CCSER1: variants seen among roughly 807,000 people sequenced by gnomAD.
CCSER1 encodes the protein serine-rich coiled-coil domain-containing protein 1.
Under a neutral mutation model 82.0 loss-of-function variants are expected in CCSER1, and 41 were observed. That is an observed-to-expected ratio of 0.50 (90% CI 0.39 to 0.65). The LOEUF (loss-of-function observed/expected upper bound fraction) is 0.65, where lower values mean the gene tolerates loss of function less well. Ranked by LOEUF, CCSER1 falls within the 30% of genes least tolerant of loss-of-function variation. CCSER1 has a pLI of 0.00. For synonymous variants in CCSER1, 414 were observed against 383.9 expected (o/e 1.08, Z -0.92); for missense variants, 1,119 against 1,064.2 (o/e 1.05, Z -0.72).
intron 5 of CCSER1, among the ~76,000 whole-genome samples, chr4:90,578,509 G>T (rs539077901): frequency 2.6e-5 from 4 of 152,122 alleles, no homozygotes; most frequent in South Asian, 2.1e-4. Flanking sequence ...TTACCACAAA[G>T]AATACTTTTA....
intron 10 of CCSER1, among the ~76,000 whole-genome samples, chr4:91,288,602 G>C (rs572649753): frequency 3.3e-5 from 5 of 151,902 alleles, no homozygotes; most frequent in Admixed American, 6.6e-5. Context: ...TTGTGCTAAA[G>C]GCTTGAAGAA....
At chr4:91,237,982 A>G (rs1010886705) in intron 10 of CCSER1, among the ~76,000 whole-genome samples, 3 of 152,194 alleles carry the variant, frequency 2.0e-5, no homozygotes, top group Non-Finnish European at 4.4e-5. Flanking sequence ...ATTATGTGTC[A>G]GGAAGCCTCT....
chr4:90,914,461 A>G (rs1192094371), intron 8 of CCSER1, among the ~76,000 whole-genome samples: 1 of 152,206 alleles, frequency 6.6e-6, no homozygotes, highest in African/African-American at 2.4e-5. Flanking sequence ...ACAAAGACAC[A>G]ACAAACTAGA....
intron 5 of CCSER1, among the ~76,000 whole-genome samples, chr4:90,607,255 T>C (rs960720084): frequency 6.6e-6 from 1 of 152,212 alleles, no homozygotes. Context: ...TATTTTGATA[T>C]ATATGTCAAT....
intron 10 of CCSER1, among the ~76,000 whole-genome samples, chr4:91,548,635 G>T (rs141995067): frequency 6.6e-6 from 1 of 151,296 alleles, no homozygotes; most frequent in Non-Finnish European, 1.5e-5. Context: ...TGTAATTCTA[G>T]GTTTGTGGGT....
chr4:91,301,519 T>C (rs1744664261), intron 10 of CCSER1, among the ~76,000 whole-genome samples: 1 of 149,154 alleles, frequency 6.7e-6, no homozygotes, highest in Non-Finnish European at 1.5e-5. Flanking sequence ...TGCCTCTCTG[T>C]CTATGTATAT....
intron 4 of CCSER1, among the ~76,000 whole-genome samples, chr4:90,409,408 C>G (rs1439789904): frequency 6.6e-6 from 1 of 152,178 alleles, no homozygotes; most frequent in Admixed American, 6.5e-5. Flanking sequence ...CAAAGGGAAG[C>G]CCATCAGACT....
At chr4:91,513,662 GTT>G (rs1308490470) in intron 10 of CCSER1, among the ~76,000 whole-genome samples, 1 of 151,994 alleles carries the variant, frequency 6.6e-6, no homozygotes, top group Non-Finnish European at 1.5e-5. Flanking sequence ...TGTATTCAGG[GTT>G]TCAATTTCTT....
chr4:90,829,605 C>T (rs562856277), intron 8 of CCSER1, among the ~76,000 whole-genome samples: 2 of 152,016 alleles, frequency 1.3e-5, no homozygotes, highest in Non-Finnish European at 2.9e-5. Flanking sequence ...GGGCATAGAG[C>T]AGAAAAAGAG....
chr4:90,412,526 C>CA (rs33926523), intron 4 of CCSER1, among the ~76,000 whole-genome samples: 1,702 of 138,526 alleles, frequency 0.012, 16 homozygotes, highest in Middle Eastern at 0.022. Context: ...ATATAAACAT[C>CA]AAAAAAAAAA....
At chr4:91,468,699 A>C (rs190931647) in intron 10 of CCSER1, among the ~76,000 whole-genome samples, 1 of 152,120 alleles carries the variant, frequency 6.6e-6, no homozygotes. Context: ...ATTAATCATA[A>C]AAATTATTAA....
chr4:91,552,104 G>A (rs1195318903), intron 10 of CCSER1, among the ~76,000 whole-genome samples: 2 of 151,570 alleles, frequency 1.3e-5, no homozygotes, highest in Admixed American at 1.3e-4. Context: ...AATTTTTAAT[G>A]TATGACATAA....
intron 5 of CCSER1, among the ~76,000 whole-genome samples, chr4:90,588,349 T>C (rs1782271649): frequency 6.6e-6 from 1 of 152,230 alleles, no homozygotes; most frequent in African/African-American, 2.4e-5. Context: ...AAATTCTTTG[T>C]TGTCATTTCA....
chr4:90,347,353 A>ATCTATC (rs1159794575), intron 3 of CCSER1, among the ~76,000 whole-genome samples: 33 of 103,954 alleles, frequency 3.2e-4, no homozygotes, highest in African/African-American at 9.6e-4. Flanking sequence ...ATCTATCTAT[A>ATCTATC]TACTTTATTG....
chr4:90,689,192 A>G (rs1365418345), intron 6 of CCSER1, among the ~76,000 whole-genome samples: 3 of 152,128 alleles, frequency 2.0e-5, no homozygotes, highest in African/African-American at 7.2e-5. Flanking sequence ...GTCTTTTAGT[A>G]TTCAAATCAA....
chr4:91,388,026 A>G (rs1751413089), intron 10 of CCSER1, among the ~76,000 whole-genome samples: 1 of 152,096 alleles, frequency 6.6e-6, no homozygotes, highest in East Asian at 1.9e-4. Flanking sequence ...CTATCAAAAT[A>G]AACAATATGT....
chr4:91,165,949 C>A (rs1261945155), intron 10 of CCSER1, among the ~76,000 whole-genome samples: 2 of 152,228 alleles, frequency 1.3e-5, no homozygotes, highest in Non-Finnish European at 2.9e-5. Flanking sequence ...TACTGTTCAA[C>A]CAGTCCCAGT....
chr4:90,784,738 C>T (rs548873854), intron 7 of CCSER1, among the ~76,000 whole-genome samples: 3 of 152,142 alleles, frequency 2.0e-5, no homozygotes, highest in African/African-American at 7.2e-5. Context: ...GCCCCTCAAC[C>T]TTAACTACTA....
At chr4:91,075,537 C>A (rs116355147) in intron 9 of CCSER1, among the ~76,000 whole-genome samples, 1 of 152,000 alleles carries the variant, frequency 6.6e-6, no homozygotes, top group South Asian at 2.1e-4. Context: ...TAAGAATCAA[C>A]CCATATGCAT....
Sources: allele counts gnomAD v4.1 joint callset (sites outside exome capture counted in the v4.1 genomes callset), GRCh38; gene constraint gnomAD v4.1.1; transcripts MANE v1.5; gene names NCBI Gene and HGNC (gene_info 2026-07-23, HGNC 2026-07-21).